SUMF1: variants seen among roughly 807,000 people sequenced by gnomAD.
SUMF1 encodes sulfatase modifying factor 1.
A neutral mutation model predicts 47.6 loss-of-function variants in SUMF1; 48 were observed. That is an observed-to-expected ratio of 1.01 (90% confidence interval 0.80 to 1.28). SUMF1 has a LOEUF of 1.28. Ranked by LOEUF, SUMF1 falls within the 50% of genes most tolerant of loss-of-function variation. SUMF1 has a pLI of 0.00. For synonymous variants in SUMF1, 230 were observed against 192.1 expected (o/e 1.20, Z -1.63); for missense variants, 571 against 485.4 (o/e 1.18, Z -1.66).
intron 8 of SUMF1, among the ~76,000 whole-genome samples, chr3:4,192,677 G>C (rs546798995): frequency 6.6e-6 from 1 of 152,202 alleles, no homozygotes; most frequent in African/African-American, 2.4e-5. Context: ...ATGCTAATGA[G>C]GTAACTCAGG....
chr3:4,055,636 C>G (rs1337878643), intron 9 of SUMF1, among the ~76,000 whole-genome samples: 5 of 152,110 alleles, frequency 3.3e-5, no homozygotes, highest in Non-Finnish European at 7.4e-5. Context: ...ATGCACACCA[C>G]CATGCCCCAC....
At chr3:4,417,689 T>A (rs571091400) in intron 5 of SUMF1, among the ~76,000 whole-genome samples, 1 of 152,354 alleles carries the variant, frequency 6.6e-6, no homozygotes, top group East Asian at 1.9e-4. Context: ...CTTCAGGAGA[T>A]GCCTAAAATA....
chr3:4,079,270 A>T (rs1385534617), intron 8 of SUMF1, among the ~76,000 whole-genome samples: 1 of 152,072 alleles, frequency 6.6e-6, no homozygotes, highest in Non-Finnish European at 1.5e-5. Context: ...CACACACCAG[A>T]ATCTTAGAGT....
intron 8 of SUMF1, among the ~76,000 whole-genome samples, chr3:4,069,711 C>A (rs1340979759): frequency 6.6e-6 from 1 of 152,082 alleles, no homozygotes; most frequent in Non-Finnish European, 1.5e-5. Context: ...CTCTATAAAC[C>A]ATAAATTCTG....
At chr3:4,086,911 G>C (rs1454300384) in intron 8 of SUMF1, among the ~76,000 whole-genome samples, 1 of 151,990 alleles carries the variant, frequency 6.6e-6, no homozygotes, top group Non-Finnish European at 1.5e-5. Context: ...ATGATTATGA[G>C]GCCTCCTCAG....
chr3:4,339,345 T>C (rs551176960), intron 8 of SUMF1, among the ~76,000 whole-genome samples: 8 of 151,976 alleles, frequency 5.3e-5, no homozygotes, highest in South Asian at 2.1e-4. Flanking sequence ...GGGAGGAAAA[T>C]TGGAGCACAG....
chr3:4,191,922 A>G lies in SUMF1; in HGVS notation c.1015-123177T>C, dbSNP rs113685494. ...CTAAATAATGTAATAACACAGAGGA[A>G]AGAGAGATTAATTCTGTGAGAAGAG... On this transcript the variant is annotated intron_variant and NMD_transcript_variant, in intron 8 of 12. Coordinates refer to the SUMF1 transcript ENST00000448413. Among the ~76,000 whole-genome samples the G allele has an allele frequency of 1.4e-3, 208 of 152,276 alleles. 5 individuals are homozygous for G. The highest frequency in any genetic ancestry group is 6.1e-3 in the Admixed American group (94 of 15,286).
intron 8 of SUMF1, among the ~76,000 whole-genome samples, chr3:4,373,663 CA>C (rs35037373): frequency 0.7 from 106,491 of 151,890 alleles, 38,171 homozygotes; most frequent in East Asian, 0.79. Flanking sequence ...TAAACTCTTG[CA>C]AAAAAATTTA....
At chr3:4,380,137 G>A (rs1235662721) in intron 7 of SUMF1, among the ~76,000 whole-genome samples, 2 of 152,084 alleles carry the variant, frequency 1.3e-5, no homozygotes, top group African/African-American at 2.4e-5. Context: ...CAAGAGTCTT[G>A]GGGATGCATA....
chr3:4,094,638 C>A lies in SUMF1; in HGVS notation c.1015-25893G>T, dbSNP rs141278095. Among the ~76,000 whole-genome samples, 121 of 152,148 alleles carry A rather than the reference C, an allele frequency of 8.0e-4. 2 individuals are homozygous for A. The East Asian group carries it at 0.019, about 24-fold the overall frequency. On this transcript the variant is annotated intron_variant and NMD_transcript_variant, in intron 8 of 12. Transcript: ENST00000448413. Reference sequence around the variant, plus strand: ...TTGTTAACAGCACCCCAGCTTCACTCCCTAATTTTAACAATAAATTATGCA... The same window carrying A: ...TTGTTAACAGCACCCCAGCTTCACTACCTAATTTTAACAATAAATTATGCA...
chr3:4,098,398 G>A (rs1692954526), intron 8 of SUMF1, among the ~76,000 whole-genome samples: 1 of 152,124 alleles, frequency 6.6e-6, no homozygotes, highest in African/African-American at 2.4e-5. Flanking sequence ...ATATTAAAAT[G>A]TGGTAGAGCC....
At chr3:4,303,819 G>C in intron 8 of SUMF1, 1 of 1,373,426 alleles carries the variant, frequency 7.3e-7, no homozygotes. Flanking sequence ...ACTCAAGGAG[G>C]CATCACGGGG....
intron 8 of SUMF1, among the ~76,000 whole-genome samples, chr3:4,348,261 T>C (rs1699413668): frequency 6.6e-6 from 1 of 152,180 alleles, no homozygotes; most frequent in Non-Finnish European, 1.5e-5. Context: ...GGCATCACAC[T>C]ACCTGACTTC....
At chr3:4,189,875 G>A (rs916002819) in intron 8 of SUMF1, among the ~76,000 whole-genome samples, 2 of 152,132 alleles carry the variant, frequency 1.3e-5, no homozygotes, top group Admixed American at 6.6e-5. Context: ...TCCTCCAACA[G>A]ATTAGCTCAA....
chr3:4,403,164 T>A (rs780037509), intron 7 of SUMF1, among the ~76,000 whole-genome samples: 5 of 152,102 alleles, frequency 3.3e-5, no homozygotes, highest in Non-Finnish European at 5.9e-5. Context: ...GAAATCTTCA[T>A]CCCCATTTAA....
intron 8 of SUMF1, among the ~76,000 whole-genome samples, chr3:4,253,308 T>A (rs1001371195): frequency 6.6e-6 from 1 of 151,816 alleles, no homozygotes. Context: ...CCAGCGTGAG[T>A]GACGCAGAAG....
intron 8 of SUMF1, among the ~76,000 whole-genome samples, chr3:4,106,694 C>T (rs898661247): frequency 2.0e-5 from 3 of 152,060 alleles, no homozygotes; most frequent in African/African-American, 7.3e-5. Context: ...GGAACTGACT[C>T]TACTTGAATC....
intron 8 of SUMF1, among the ~76,000 whole-genome samples, chr3:4,147,141 C>A (rs909395413): frequency 2.6e-5 from 4 of 151,864 alleles, no homozygotes; most frequent in Non-Finnish European, 4.4e-5. Context: ...GTTAGAATGG[C>A]GATCATTAAA....
chr3:4,364,797 G>A (rs533815977), intron 8 of SUMF1, among the ~76,000 whole-genome samples: 221 of 151,824 alleles, frequency 1.5e-3, no homozygotes, highest in African/African-American at 5.2e-3. Flanking sequence ...TGCTTTTCTG[G>A]TTCTTTTAAT....
Sources: gnomAD v4.1 joint callset for allele counts (sites outside exome capture counted in the v4.1 genomes callset) on GRCh38, gnomAD v4.1.1 for gene constraint, MANE v1.5 for transcripts, NCBI Gene and HGNC (gene_info 2026-07-23, HGNC 2026-07-21) for gene names.